ANKRD62: variants seen among roughly 807,000 people sequenced by gnomAD.
The protein encoded by ANKRD62 is ankyrin repeat domain 62.
A neutral mutation model predicts 98.8 loss-of-function variants in ANKRD62; 61 were observed. The ratio of observed to expected loss-of-function variants is 0.62; its 90% CI spans 0.50 to 0.76. ANKRD62 has a LOEUF of 0.76. ANKRD62 is among the 30% of genes least tolerant of loss of function. ANKRD62 has a pLI of 0.00. For missense variants in ANKRD62, 933 were observed against 1,082.9 expected, an observed-to-expected ratio of 0.86 and a Z score of 1.94; for synonymous variants, 341 against 367.9, an observed-to-expected ratio of 0.93 and a Z score of 0.84.
chr18:12,114,588 G>A (rs558783705), intron 8 of ANKRD62, among the ~76,000 whole-genome samples: 1 of 152,094 alleles, frequency 6.6e-6, no homozygotes, highest in Admixed American at 6.5e-5. Context: ...ATTGCTGGGA[G>A]GATTTAAATG....
At chr18:12,176,089 G>T in the ANKRD62 span, among the ~76,000 whole-genome samples, 1 of 151,780 alleles carries the variant, frequency 6.6e-6, no homozygotes, top group Admixed American at 6.6e-5. Flanking sequence ...CTACTCGGAA[G>T]ACTGAAGCAG....
chr18:12,103,549 A>G (rs1909352955), intron 7 of ANKRD62, among the ~76,000 whole-genome samples: 1 of 152,138 alleles, frequency 6.6e-6, no homozygotes, highest in Non-Finnish European at 1.5e-5. Flanking sequence ...TAATTTAACA[A>G]TGGTGGCTGC....
intron 4 of ANKRD62, 46 bp from the exon 5 acceptor site, chr18:12,097,594 A>G (rs1162105843): frequency 2.7e-6 from 4 of 1,496,290 alleles, no homozygotes; most frequent in East Asian, 4.9e-5. Context: ...CTTTTAACAT[A>G]GCTTTGCTAA....
intron 12 of ANKRD62, among the ~76,000 whole-genome samples, chr18:12,125,253 CTG>C (rs1343099965): frequency 6.6e-6 from 1 of 152,032 alleles, no homozygotes; most frequent in East Asian, 1.9e-4. Context: ...CATAGATTCA[CTG>C]TCTTCAAATA....
chr18:12,111,866 T>C (rs1443323979), intron 8 of ANKRD62, among the ~76,000 whole-genome samples: 1 of 152,004 alleles, frequency 6.6e-6, no homozygotes, highest in African/African-American at 2.4e-5. Context: ...GGGAAAGATC[T>C]CTACAAGGAG....
the ANKRD62 span, among the ~76,000 whole-genome samples, chr18:12,160,476 A>AG: frequency 6.6e-6 from 1 of 152,154 alleles, no homozygotes; most frequent in South Asian, 2.1e-4. Context: ...AGTCCTGCTG[A>AG]GGAAGTAAAT....
the ANKRD62 span, among the ~76,000 whole-genome samples, chr18:12,156,638 G>C: frequency 0.016 from 2,500 of 152,224 alleles, 38 homozygotes; most frequent in African/African-American, 0.035. Flanking sequence ...TGTGTTCTAA[G>C]CTGTGAGGAG....
intron 7 of ANKRD62, among the ~76,000 whole-genome samples, chr18:12,105,021 G>A (rs1021827953): frequency 2.0e-5 from 3 of 152,090 alleles, no homozygotes; most frequent in African/African-American, 7.2e-5. Flanking sequence ...AATAAAAGAA[G>A]ACCAAGAGTG....
chr18:12,152,199 A>C, the ANKRD62 span, among the ~76,000 whole-genome samples: 3 of 150,680 alleles, frequency 2.0e-5, no homozygotes, highest in African/African-American at 7.3e-5. Context: ...AAAAAAAAAA[A>C]AACTGAGGAG....
At chr18:12,105,042 A>G (rs1271726063) in intron 7 of ANKRD62, among the ~76,000 whole-genome samples, 2 of 152,224 alleles carry the variant, frequency 1.3e-5, no homozygotes, top group Admixed American at 6.5e-5. Context: ...TTATAGGTAC[A>G]TGATGAAAAA....
chr18:12,125,297 A>G (rs1909863922), intron 12 of ANKRD62, among the ~76,000 whole-genome samples, 163 bp from the exon 13 acceptor site: 1 of 152,114 alleles, frequency 6.6e-6, no homozygotes, highest in Admixed American at 6.6e-5. Flanking sequence ...TTACTCTCTA[A>G]AAGGTTTGAG....
rs146065930 is a variant in ANKRD62, at chr18:12,100,617, T to C, written c.820+935T>C. Reference sequence around the variant, plus strand: ...TCAATAAGAACTGTACCAATACCAATAGGATGTTATTTTTTAAAGATACCT... The same window carrying C: ...TCAATAAGAACTGTACCAATACCAACAGGATGTTATTTTTTAAAGATACCT... On this transcript the variant is annotated intron_variant, in intron 6 of 13. Coordinates refer to ENST00000587848, the MANE Select transcript of ANKRD62 (RefSeq NM_001277333.2). Among the ~76,000 whole-genome samples, 473 of 152,252 alleles carry C rather than the reference T, an allele frequency of 3.1e-3. 3 individuals are homozygous for C. The highest frequency in any genetic ancestry group is 9.9e-3 in the African/African-American group (413 of 41,548).
In ANKRD62 at chr18:12,095,158, C is replaced by A. The variant is rs534412392; in HGVS notation, c.219-13C>A. On this transcript the variant is annotated splice_polypyrimidine_tract_variant and intron_variant, in intron 1 of 13. Transcript: ENST00000587848. Reference sequence around the variant, plus strand: ...GCACTACAATTGCCTAAAGCGACCTCTCATTCTCACAGGACTGCTCTACTT... The same window carrying A: ...GCACTACAATTGCCTAAAGCGACCTATCATTCTCACAGGACTGCTCTACTT... The A allele has an allele frequency of 2.0e-6, 3 of 1,534,658 alleles. No homozygotes were observed. The African/African-American group carries it at 4.1e-5, about 21-fold the overall frequency.
At chr18:12,102,740 A>T (rs1909331558) in intron 6 of ANKRD62, 2 of 1,004,316 alleles carry the variant, frequency 2.0e-6, no homozygotes, top group Non-Finnish European at 2.4e-6. Flanking sequence ...TAACAGTCAT[A>T]TTGGAAGTTA....
downstream of ANKRD62, among the ~76,000 whole-genome samples, chr18:12,134,187 C>A (rs1180462414): frequency 6.6e-6 from 1 of 152,142 alleles, no homozygotes; most frequent in Non-Finnish European, 1.5e-5. Context: ...ATTTAGTAGA[C>A]CTTTAATAAA....
the ANKRD62 span, among the ~76,000 whole-genome samples, chr18:12,167,071 G>A: frequency 6.6e-6 from 1 of 151,840 alleles, no homozygotes; most frequent in Non-Finnish European, 1.5e-5. Context: ...TTGTATGGCT[G>A]CATAGCATTC....
intron 10 of ANKRD62, among the ~76,000 whole-genome samples, chr18:12,115,936 T>C (rs1469719614): frequency 6.6e-6 from 1 of 152,180 alleles, no homozygotes; most frequent in East Asian, 1.9e-4. Context: ...TCTGATCATG[T>C]TACCTGCTTG....
At chr18:12,157,807 G>A in the ANKRD62 span, among the ~76,000 whole-genome samples, 1 of 152,186 alleles carries the variant, frequency 6.6e-6, no homozygotes, top group Non-Finnish European at 1.5e-5. Context: ...TCTGATTCCT[G>A]AGCAGGTCTT....
At chr18:12,121,244 T>C (rs1909776204) in intron 10 of ANKRD62, among the ~76,000 whole-genome samples, 1 of 152,230 alleles carries the variant, frequency 6.6e-6, no homozygotes, top group Non-Finnish European at 1.5e-5. Context: ...GATTTACTTA[T>C]AAACAGAATT....
Sources: gnomAD v4.1 joint callset for allele counts (sites outside exome capture counted in the v4.1 genomes callset) on GRCh38, gnomAD v4.1.1 for gene constraint, MANE v1.5 for transcripts, NCBI Gene and HGNC (gene_info 2026-07-23, HGNC 2026-07-21) for gene names.